The following HDAC4 variants were observed in gnomAD, a reference collection of about 807,000 sequenced individuals.
HDAC4 encodes histone deacetylase A.
Under a neutral mutation model 135.1 loss-of-function variants are expected in HDAC4, and 16 were observed. The ratio of observed to expected loss-of-function variants is 0.12; its 90% confidence interval spans 0.08 to 0.18. The LOEUF (loss-of-function observed/expected upper bound fraction) is 0.18. HDAC4 is among the 10% of genes least tolerant of loss of function. The probability of loss-of-function intolerance (pLI) is 1.00; values close to 1 mark genes in which losing one functional copy is unlikely to be tolerated. For missense variants in HDAC4, 1,143 were observed against 1,511.8 expected, an observed-to-expected ratio of 0.76 and a Z score of 4.05; for synonymous variants, 685 against 653.4, an observed-to-expected ratio of 1.05 and a Z score of -0.74.
chr2:239,183,544 T>C (rs2044290440), intron 4 of HDAC4, among the ~76,000 whole-genome samples: 1 of 152,240 alleles, frequency 6.6e-6, no homozygotes, highest in Non-Finnish European at 1.5e-5. Context: ...GTGCCCTATG[T>C]GTCACCTGGC....
In HDAC4 at chr2:239,052,923, C is replaced by T. The variant is rs994127736; in HGVS notation, c.*174G>A. ...CACGCCCAGGCGTGCATGTGCGTCT[C>T]GAGACCTGTGGGCCTGGGCGGCAGA... On this transcript the variant is annotated 3_prime_UTR_variant, in exon 27 of 27. Coordinates refer to ENST00000543185, the MANE Select transcript of HDAC4 (RefSeq NM_001378414.1). 19 of 730,234 alleles carry T rather than the reference C, an allele frequency of 2.6e-5. No homozygotes were observed. The highest frequency in any genetic ancestry group is 6.3e-5 in the South Asian group (4 of 63,582). 45.2% of individuals were successfully genotyped at this position (730,234 alleles called of 1,614,324 possible).
At chr2:239,389,831 A>AAG (rs1696077164) in intron 1 of HDAC4, among the ~76,000 whole-genome samples, 1 of 152,192 alleles carries the variant, frequency 6.6e-6, no homozygotes, top group African/African-American at 2.4e-5. Flanking sequence ...CGGCTTCTGG[A>AAG]AGAGGCATGT....
At chr2:239,108,419 C>G (rs1199219639) in intron 14 of HDAC4, among the ~76,000 whole-genome samples, 1 of 152,180 alleles carries the variant, frequency 6.6e-6, no homozygotes, top group Non-Finnish European at 1.5e-5. Flanking sequence ...CACTCATGCT[C>G]ACAGTAACGC....
At chr2:239,219,045 G>C (rs1480714800) in intron 3 of HDAC4, among the ~76,000 whole-genome samples, 5 of 133,432 alleles carry the variant, frequency 3.7e-5, no homozygotes, top group Non-Finnish European at 8.1e-5. Context: ...TTCAACCATT[G>C]TGGAAATCAG....
intron 2 of HDAC4, among the ~76,000 whole-genome samples, chr2:239,247,426 G>A (rs929424949): frequency 6.6e-6 from 1 of 152,186 alleles, no homozygotes; most frequent in Non-Finnish European, 1.5e-5. Flanking sequence ...GTGAATAAAC[G>A]AACACAGATA....
At position 239,052,823 on chromosome 2, in the gene HDAC4, A is replaced by G. The variant is rs1270925462; in HGVS notation, c.*274T>C. 5 of 500,760 alleles carry G rather than the reference A, an allele frequency of 1.0e-5. No homozygotes were observed. The highest frequency in any genetic ancestry group is 9.6e-5 in the African/African-American group (5 of 52,060). 31.0% of individuals were successfully genotyped at this position (500,760 alleles called of 1,614,324 possible). A position where few individuals can be genotyped will look rare whatever the true frequency, so the allele number is the denominator to read the frequency against. ...CACGGCGTCCCTTGCGGGACCCGCC[A>G]GAGTGTGCTTGGCTTCCGCGTGTCC... On this transcript the variant is annotated 3_prime_UTR_variant, in exon 27 of 27. Transcript: ENST00000543185.
chr2:239,311,939 AG>A (rs909836378), intron 2 of HDAC4, among the ~76,000 whole-genome samples: 3 of 152,158 alleles, frequency 2.0e-5, no homozygotes, highest in Non-Finnish European at 4.4e-5. Context: ...GTTCCTCTAA[AG>A]GTTCCTTCCA....
At chr2:239,189,347 CAA>C (rs34390084) in intron 4 of HDAC4, among the ~76,000 whole-genome samples, 1 of 151,508 alleles carries the variant, frequency 6.6e-6, no homozygotes, top group Non-Finnish European at 1.5e-5. Context: ...CAGTAAGTAC[CAA>C]AAAAAGTCTT....
chr2:239,267,916 C>T (rs1467940542), intron 2 of HDAC4, among the ~76,000 whole-genome samples: 13 of 152,330 alleles, frequency 8.5e-5, no homozygotes, highest in South Asian at 2.1e-4. Context: ...TTTCAAATAC[C>T]GTCTCGTCTA....
intron 18 of HDAC4, among the ~76,000 whole-genome samples, chr2:239,089,370 C>T (rs984870282): frequency 6.6e-6 from 1 of 152,076 alleles, no homozygotes; most frequent in Admixed American, 6.6e-5. Context: ...ACTCTGTCAC[C>T]CAGGCTGGAG....
At chr2:239,223,351 C>T (rs1411229173) in intron 3 of HDAC4, among the ~76,000 whole-genome samples, 1 of 152,202 alleles carries the variant, frequency 6.6e-6, no homozygotes, top group Non-Finnish European at 1.5e-5. Flanking sequence ...CAGGCAGCAA[C>T]GTACATTCCG....
chr2:239,251,960 T>C lies in HDAC4; in HGVS notation c.23-15296A>G, dbSNP rs1265875105. On this transcript the variant is annotated intron_variant, in intron 2 of 26. Transcript: ENST00000543185. ...TTAATCTTATCACTATTCCTTTTTA[T>C]ACAACAGAAGCTTCAGTTTCTAAAT... Among the ~76,000 whole-genome samples the C allele has an allele frequency of 6.6e-5, 10 of 152,240 alleles. No homozygotes were observed. The East Asian group carries it at 1.9e-3, about 29-fold the overall frequency.
intron 24 of HDAC4, chr2:239,055,042 A>G (rs553763581): frequency 4.6e-5 from 23 of 495,260 alleles, no homozygotes; most frequent in Non-Finnish European, 7.0e-5. Context: ...TTAGGACGCT[A>G]TAAGATATTT....
chr2:239,303,591 T>A lies in HDAC4; in HGVS notation c.22+49087A>T, dbSNP rs991059787. The stretch of plus-strand genomic sequence containing the variant: ...CGTTGTCAGCTTTCTCTGTTTTCTT[T>A]CTTTCTTTTTTTTTTTTAATTCACA... On this transcript the variant is annotated intron_variant, in intron 2 of 26. Coordinates refer to ENST00000543185, the MANE Select transcript of HDAC4 (RefSeq NM_001378414.1). This position sits in a 1 kb window ranked among gnomAD's most constrained non-coding sequence, Gnocchi z 5.1. Among the ~76,000 whole-genome samples, 1 of 151,952 alleles carries A rather than the reference T, an allele frequency of 6.6e-6. No homozygotes were observed. The highest frequency in any genetic ancestry group is 1.5e-5 in the Non-Finnish European group (1 of 67,968).
At position 239,111,560 on chromosome 2, in the gene HDAC4, C is replaced by A. The variant is rs779372653; in HGVS notation, c.1944G>T (p.Val648=). Reference sequence around the variant, plus strand: ...ACCTCGGCTTGGTGGGGGGCTCCTGCACAGACACGGGGAAGGTGGCAGACG... The same window carrying A: ...ACCTCGGCTTGGTGGGGGGCTCCTGAACAGACACGGGGAAGGTGGCAGACG... ...SPASATFPVS[V]QEPPTKPRFT... The change falls in exon 14 of 27, where the codon GTG becomes GTT. Residue 648 remains valine, a synonymous_variant. Transcript: ENST00000543185. 2 of 1,612,340 alleles carry A rather than the reference C, an allele frequency of 1.2e-6. No homozygotes were observed. Among genetic ancestry groups the A allele is most frequent in the Admixed American group, 3.3e-5 (2 of 59,960 alleles).
rs764915699 is a variant in HDAC4 at position 239,082,176 on chromosome 2, G to A, written c.2578C>T (p.Pro860Ser). ...NGTQQAFYSD[P>S]SVLYMSLHRY... is the part of the protein sequence containing the mutation. Reference sequence around the variant, plus strand: ...TGGAGGGACATGTACAGGACGCTGGGGTCGCTGTAGAAAGCCTGCTGGGTC... The same window carrying A: ...TGGAGGGACATGTACAGGACGCTGGAGTCGCTGTAGAAAGCCTGCTGGGTC... The change falls in exon 21 of 27, where the codon CCC becomes TCC. Residue 860 changes from proline (P) to serine (S), a missense_variant. By Grantham distance (74) the Pro-to-Ser change is moderately conservative (BLOSUM62 -1). This residue lies in a region of HDAC4 where 189 missense variants were observed against 317.6 expected (regional missense o/e 0.60). Coordinates refer to ENST00000543185, the MANE Select transcript of HDAC4 (RefSeq NM_001378414.1). 19 of 1,614,084 alleles carry A rather than the reference G, an allele frequency of 1.2e-5. No individual in the cohort carries two copies. The highest frequency in any genetic ancestry group is 8.3e-5 in the Admixed American group (5 of 60,008).
intron 16 of HDAC4, among the ~76,000 whole-genome samples, chr2:239,101,255 C>T (rs2037595466): frequency 6.6e-6 from 1 of 152,232 alleles, no homozygotes; most frequent in South Asian, 2.1e-4. Flanking sequence ...TGACCGCCAC[C>T]CCAGGCCAGA....
intron 5 of HDAC4, among the ~76,000 whole-genome samples, chr2:239,172,294 ATATATAT>A (rs1222335401): frequency 1.6e-4 from 22 of 136,916 alleles, no homozygotes; most frequent in South Asian, 6.9e-4. Flanking sequence ...GTGAAAAAAA[ATATATAT>A]ATATATATAT....
intron 1 of HDAC4, among the ~76,000 whole-genome samples, chr2:239,388,575 G>A (rs1305058136): frequency 6.6e-6 from 1 of 152,204 alleles, no homozygotes; most frequent in Non-Finnish European, 1.5e-5. Context: ...AGGGCAGCTG[G>A]ACCGCACGGC....
Sources: gnomAD v4.1 joint callset for allele counts (sites outside exome capture counted in the v4.1 genomes callset) on GRCh38, gnomAD v4.1.1 for gene constraint, gnomAD v4.1.1 regional missense constraint, Gnocchi (gnomAD v3.1) non-coding constraint, MANE v1.5 for transcripts, NCBI Gene and HGNC (gene_info 2026-07-23, HGNC 2026-07-21) for gene names.